Variants in GPHN observed in about 807,000 individuals in gnomAD.
The protein encoded by GPHN is gephyrin.
A neutral mutation model predicts 95.5 loss-of-function variants in GPHN; 17 were observed. The observed-to-expected ratio is 0.18, with a 90% CI of 0.12 to 0.27. The LOEUF (loss-of-function observed/expected upper bound fraction) is 0.27, where lower values mean the gene tolerates loss of function less well. GPHN is among the 10% of genes least tolerant of loss of function. The pLI, the probability that GPHN is intolerant of heterozygous loss-of-function variation, is 1.00. For missense variants in GPHN, 660 were observed against 978.1 expected, an observed-to-expected ratio of 0.67 and a Z score of 4.34; for synonymous variants, 320 against 322.5, an observed-to-expected ratio of 0.99 and a Z score of 0.08.
At chr14:66,600,186 G>A (rs545383931) in intron 1 of GPHN, among the ~76,000 whole-genome samples, 11 of 151,840 alleles carry the variant, frequency 7.2e-5, no homozygotes, top group Non-Finnish European at 8.8e-5. Context: ...AAGTTTTGGG[G>A]CCAATGTTAT....
chr14:67,598,798 C>T, the GPHN span, among the ~76,000 whole-genome samples: 1 of 151,792 alleles, frequency 6.6e-6, no homozygotes, highest in African/African-American at 2.4e-5. Flanking sequence ...CTACCTCCAC[C>T]TCCCAGGTTC....
chr14:66,976,229 C>T (rs1207074976), intron 9 of GPHN, among the ~76,000 whole-genome samples: 1 of 152,132 alleles, frequency 6.6e-6, no homozygotes, highest in African/African-American at 2.4e-5. Context: ...TCGATATCCA[C>T]TCTAGTTTTG....
the GPHN span, among the ~76,000 whole-genome samples, chr14:67,390,187 A>T: frequency 6.6e-6 from 1 of 152,184 alleles, no homozygotes; most frequent in African/African-American, 2.4e-5. Context: ...TTGCCATCAA[A>T]GTTTTTTAAA....
chr14:67,203,616 T>C, the GPHN span, among the ~76,000 whole-genome samples: 3 of 152,218 alleles, frequency 2.0e-5, no homozygotes, highest in Non-Finnish European at 4.4e-5. Flanking sequence ...TCTCAGCCAC[T>C]AACTTGGTCT....
At chr14:67,638,756 T>G in the GPHN span, among the ~76,000 whole-genome samples, 11 of 152,238 alleles carry the variant, frequency 7.2e-5, no homozygotes, top group Admixed American at 2.6e-4. Flanking sequence ...GCTTTGTGGA[T>G]GCAGAAACAC....
chr14:67,107,879 G>T (rs1423841717), intron 13 of GPHN, among the ~76,000 whole-genome samples: 1 of 152,136 alleles, frequency 6.6e-6, no homozygotes, highest in Non-Finnish European at 1.5e-5. Context: ...TGGCCTGTAG[G>T]TCAGGATATC....
At chr14:67,348,178 G>C in the GPHN span, among the ~76,000 whole-genome samples, 1 of 151,954 alleles carries the variant, frequency 6.6e-6, no homozygotes, top group South Asian at 2.1e-4. Flanking sequence ...GGGTCCAAGT[G>C]AGTCTCCTGC....
intron 1 of GPHN, among the ~76,000 whole-genome samples, chr14:66,532,329 T>G (rs1385643906): frequency 6.6e-6 from 1 of 152,182 alleles, no homozygotes; most frequent in South Asian, 2.1e-4. Context: ...ATGTGGGTCT[T>G]TCTATATGGC....
At chr14:67,726,047 A>G in the GPHN span, 14 of 1,607,338 alleles carry the variant, frequency 8.7e-6, no homozygotes, top group African/African-American at 9.4e-5. Context: ...GTTGTGCCCT[A>G]TAGAGGAAAA....
At chr14:67,492,829 G>A in the GPHN span, among the ~76,000 whole-genome samples, 16 of 152,218 alleles carry the variant, frequency 1.1e-4, no homozygotes, top group African/African-American at 3.9e-4. Context: ...GTGAAGGCCA[G>A]GTACTGTACC....
chr14:66,742,364 C>T (rs547691593), intron 2 of GPHN, among the ~76,000 whole-genome samples: 1 of 152,202 alleles, frequency 6.6e-6, no homozygotes, highest in African/African-American at 2.4e-5. Flanking sequence ...TATATGATAT[C>T]TTCTTTTAAT....
At chr14:67,520,678 A>G in the GPHN span, among the ~76,000 whole-genome samples, 1 of 149,872 alleles carries the variant, frequency 6.7e-6, no homozygotes, top group Non-Finnish European at 1.5e-5. Context: ...TAAATTTCCA[A>G]CTCCTTTGGG....
chr14:66,996,567 C>G (rs527620675), intron 9 of GPHN, among the ~76,000 whole-genome samples: 1 of 152,114 alleles, frequency 6.6e-6, no homozygotes, highest in African/African-American at 2.4e-5. Context: ...AGGCAAGATT[C>G]CAGTTTGTAT....
At chr14:67,388,019 A>G in the GPHN span, among the ~76,000 whole-genome samples, 1 of 152,238 alleles carries the variant, frequency 6.6e-6, no homozygotes, top group African/African-American at 2.4e-5. Flanking sequence ...GATTATTAAC[A>G]TAAGGATTAC....
the GPHN span, among the ~76,000 whole-genome samples, chr14:67,407,268 C>T: frequency 6.6e-6 from 1 of 151,750 alleles, no homozygotes; most frequent in African/African-American, 2.4e-5. Flanking sequence ...ATTAGAGGCA[C>T]CCATCACCAC....
intron 12 of GPHN, among the ~76,000 whole-genome samples, chr14:67,093,540 G>A (rs1263591726): frequency 6.6e-6 from 1 of 151,972 alleles, no homozygotes; most frequent in Non-Finnish European, 1.5e-5. Flanking sequence ...TTATGATATG[G>A]GAGTAATACT....
the GPHN span, chr14:67,208,432 C>G: frequency 6.2e-7 from 1 of 1,613,598 alleles, no homozygotes; most frequent in Non-Finnish European, 8.5e-7. Context: ...GCACAGCTCT[C>G]AAGGCTGAAG....
intron 18 of GPHN, among the ~76,000 whole-genome samples, chr14:67,158,253 G>A (rs1595426922): frequency 1.4e-5 from 2 of 146,822 alleles, no homozygotes; most frequent in Admixed American, 1.4e-4. Flanking sequence ...GATGCAGTGA[G>A]CCAAGATCGC....
chr14:66,754,752 G>A (rs1270657951), intron 2 of GPHN, among the ~76,000 whole-genome samples: 3 of 151,828 alleles, frequency 2.0e-5, no homozygotes, highest in African/African-American at 4.8e-5. Context: ...CATTAAAATA[G>A]CCTTTTGACT....
Sources: gnomAD v4.1 joint callset for allele counts (sites outside exome capture counted in the v4.1 genomes callset) on GRCh38, gnomAD v4.1.1 for gene constraint, MANE v1.5 for transcripts, NCBI Gene and HGNC (gene_info 2026-07-23, HGNC 2026-07-21) for gene names.